Variants in SUSD4 observed in about 807,000 individuals in gnomAD.
The protein encoded by SUSD4 is sushi domain-containing protein 4.
A neutral mutation model predicts 50.5 loss-of-function variants in SUSD4; 41 were observed. The ratio of observed to expected loss-of-function variants is 0.81; its 90% CI spans 0.63 to 1.05. The LOEUF is 1.05. Among genes scored for constraint, SUSD4 ranks in the 50% least tolerant of loss-of-function variants. The pLI is 0.00. For synonymous variants in SUSD4, 257 were observed against 257.3 expected (o/e 1.00, Z 0.01); for missense variants, 580 against 634.7 (o/e 0.91, Z 0.93).
At chr1:223,232,452 TCTC>T (rs911221545) in intron 5 of SUSD4, among the ~76,000 whole-genome samples, 30 of 152,328 alleles carry the variant, frequency 2.0e-4, no homozygotes, top group Middle Eastern at 3.4e-3. Context: ...GGAAGGCACT[TCTC>T]CTCAAAGGCT....
At chr1:223,232,586 T>C (rs1414035721) in intron 5 of SUSD4, among the ~76,000 whole-genome samples, 2 of 152,206 alleles carry the variant, frequency 1.3e-5, no homozygotes, top group Non-Finnish European at 2.9e-5. Context: ...TCAGCAGCAT[T>C]TTTTTCTCAC....
At chr1:223,331,374 C>T (rs1314235311) in intron 2 of SUSD4, among the ~76,000 whole-genome samples, 2 of 152,156 alleles carry the variant, frequency 1.3e-5, no homozygotes, top group African/African-American at 4.8e-5. Flanking sequence ...GCAAGCCTTT[C>T]CTTTTTTCTT....
chr1:223,318,457 A>G (rs1404744481), intron 2 of SUSD4, among the ~76,000 whole-genome samples: 3 of 96,054 alleles, frequency 3.1e-5, no homozygotes, highest in Admixed American at 1.3e-4. Context: ...TGGTTGAACT[A>G]GTTTACAGTC....
chr1:223,237,911 A>G (rs532619720), intron 5 of SUSD4, among the ~76,000 whole-genome samples: 1 of 152,122 alleles, frequency 6.6e-6, no homozygotes, highest in Admixed American at 6.5e-5. Flanking sequence ...AAGAGATTAT[A>G]GATAATTGGT....
At chr1:223,335,690 A>G (rs1263724957) in intron 2 of SUSD4, among the ~76,000 whole-genome samples, 2 of 152,228 alleles carry the variant, frequency 1.3e-5, no homozygotes, top group Non-Finnish European at 2.9e-5. Context: ...TTAGGGCATA[A>G]TCTAAGAAAT....
intron 7 of SUSD4, among the ~76,000 whole-genome samples, chr1:223,225,227 G>A (rs1033955045): frequency 6.6e-6 from 1 of 151,980 alleles, no homozygotes; most frequent in Non-Finnish European, 1.5e-5. Flanking sequence ...GAGGCCAAAG[G>A]TAAAATATGA....
intron 2 of SUSD4, among the ~76,000 whole-genome samples, chr1:223,310,162 CCAGA>C (rs1052644119): frequency 1.3e-5 from 2 of 152,172 alleles, no homozygotes; most frequent in African/African-American, 4.8e-5. Flanking sequence ...GTGCCTTTAA[CCAGA>C]CAGAGAGGTC....
intron 2 of SUSD4, 103 bp from the exon 3 acceptor site, chr1:223,292,754 G>A: frequency 8.2e-7 from 1 of 1,217,710 alleles, no homozygotes; most frequent in Non-Finnish European, 1.1e-6. Context: ...ATACGCCTTG[G>A]ACACTCCAGT....
intron 3 of SUSD4, among the ~76,000 whole-genome samples, chr1:223,291,488 C>CAAAA (rs71572850): frequency 0.024 from 1,164 of 49,256 alleles, 183 homozygotes; most frequent in African/African-American, 0.079. Flanking sequence ...GACACTGTCT[C>CAAAA]AAAAAAAAAA....
In SUSD4 at chr1:223,242,233, G is replaced by A. The variant is rs540785861; in HGVS notation, c.725-12845C>T. ...GCTGGGATTACAGGCATGAACCACTGAACCCAGCCAAAATTAGACTTCTTT... is the reference window on the plus strand; with the variant it reads ...GCTGGGATTACAGGCATGAACCACTAAACCCAGCCAAAATTAGACTTCTTT... On this transcript the variant is annotated intron_variant, in intron 5 of 8. Coordinates refer to ENST00000366878, the MANE Select transcript of SUSD4 (RefSeq NM_017982.4). Among the ~76,000 whole-genome samples, 3 of 152,224 alleles carry A rather than the reference G, an allele frequency of 2.0e-5. No individual in the cohort carries two copies. The South Asian group carries it at 6.2e-4, about 32-fold the overall frequency.
intron 3 of SUSD4, among the ~76,000 whole-genome samples, chr1:223,272,849 TC>T (rs1237625886): frequency 6.6e-6 from 1 of 152,178 alleles, no homozygotes; most frequent in African/African-American, 2.4e-5. Context: ...GCTCAGGGTG[TC>T]CTGGGTGCTG....
chr1:223,228,687 T>G (rs1659688492), intron 6 of SUSD4, among the ~76,000 whole-genome samples: 1 of 152,186 alleles, frequency 6.6e-6, no homozygotes, highest in Admixed American at 6.5e-5. Flanking sequence ...CAGTATCATC[T>G]GTATTCTGAT....
rs79266075 is a variant in SUSD4, at chr1:223,336,418, T to C, written c.148+26860A>G. ...TTTTATAAATCAAAAAATATCAGTA[T>C]AAGCAATTATCAAGAAACATGAAGG... On this transcript the variant is annotated intron_variant, in intron 2 of 8. Transcript: ENST00000366878. 1.2e-4 allele frequency among the ~76,000 whole-genome samples: 19 copies of C among 152,336 alleles called. No individual in the cohort carries two copies. The East Asian group carries it at 3.7e-3, about 29-fold the overall frequency.
chr1:223,322,809 G>A (rs1558249814), intron 2 of SUSD4, among the ~76,000 whole-genome samples: 1 of 152,240 alleles, frequency 6.6e-6, no homozygotes, highest in Non-Finnish European at 1.5e-5. Flanking sequence ...CATGGACAGA[G>A]ACCATGTGTT....
At chr1:223,308,214 G>A (rs1472678770) in intron 2 of SUSD4, among the ~76,000 whole-genome samples, 3 of 152,162 alleles carry the variant, frequency 2.0e-5, no homozygotes, top group Non-Finnish European at 4.4e-5. Flanking sequence ...CTGGTGGGAG[G>A]TGATTGGATC....
chr1:223,260,575 G>A (rs1382549085), intron 5 of SUSD4, among the ~76,000 whole-genome samples: 2 of 152,196 alleles, frequency 1.3e-5, no homozygotes, highest in Non-Finnish European at 2.9e-5. Context: ...CAGCAAGCCA[G>A]GGCCCACAGG....
chr1:223,246,212 G>A (rs1050896545), intron 5 of SUSD4, among the ~76,000 whole-genome samples: 7 of 152,248 alleles, frequency 4.6e-5, no homozygotes, highest in East Asian at 1.9e-4. Context: ...TGGAAGCCGC[G>A]AGGGGAGACT....
At position 223,264,769 on chromosome 1, in the gene SUSD4, C is replaced by T. The variant is rs779869306; in HGVS notation, c.585G>A (p.Glu195=). ...ASSNGYVNIS[E]LQTSFPVGTV... The stretch of plus-strand genomic sequence containing the variant: ...TCCCCACCGGGAAGGAGGTCTGGAG[C>T]TCAGAGATGTTTACATAGCCATTAG... Residue 195 remains glutamate, a synonymous_variant, in exon 5 of 9, where the codon GAG becomes GAA. Coordinates refer to ENST00000366878, the MANE Select transcript of SUSD4 (RefSeq NM_017982.4). 56 of 1,614,016 alleles carry T rather than the reference C, an allele frequency of 3.5e-5. No individual in the cohort carries two copies. The East Asian group carries it at 1.2e-3, about 35-fold the overall frequency.
intron 5 of SUSD4, among the ~76,000 whole-genome samples, chr1:223,243,396 G>A (rs1660717427): frequency 6.6e-6 from 1 of 152,150 alleles, no homozygotes; most frequent in Non-Finnish European, 1.5e-5. Flanking sequence ...GCACTGGCAG[G>A]GGACTCAGAG....
Sources: gnomAD v4.1 joint callset for allele counts (sites outside exome capture counted in the v4.1 genomes callset) on GRCh38, gnomAD v4.1.1 for gene constraint, MANE v1.5 for transcripts, NCBI Gene and HGNC (gene_info 2026-07-23, HGNC 2026-07-21) for gene names.